Variants in TENM3 observed in about 807,000 individuals in gnomAD.
TENM3 encodes teneurin-3.
A neutral mutation model predicts 255.1 loss-of-function variants in TENM3; 63 were observed. The observed-to-expected ratio is 0.25, with a 90% confidence interval of 0.20 to 0.30. The LOEUF is 0.30. TENM3 is among the 10% of genes least tolerant of loss of function. The pLI, the probability that TENM3 is intolerant of heterozygous loss-of-function variation, is 1.00. For missense variants in TENM3, 2,929 were observed against 3,461.1 expected (o/e 0.85, Z 3.86); for synonymous variants, 1,306 against 1,322.3 (o/e 0.99, Z 0.27).
At chr4:182,289,102 C>G (rs1760938263) in intron 1 of TENM3, among the ~76,000 whole-genome samples, 1 of 152,092 alleles carries the variant, frequency 6.6e-6, no homozygotes, top group South Asian at 2.1e-4. Context: ...TGGTGGTGCA[C>G]ACCTGTAGTC....
At chr4:181,866,865 G>C in the TENM3 span, among the ~76,000 whole-genome samples, 1 of 152,004 alleles carries the variant, frequency 6.6e-6, no homozygotes, top group Non-Finnish European at 1.5e-5. Context: ...CTCCTAGATG[G>C]GAGTCTGTCC....
intron 6 of TENM3, among the ~76,000 whole-genome samples, chr4:182,662,449 C>G (rs562407001): frequency 1.3e-5 from 2 of 152,262 alleles, no homozygotes; most frequent in South Asian, 4.2e-4. Flanking sequence ...GGTTTGATTC[C>G]TAACCCACAA....
At chr4:182,517,735 G>A (rs1738145387) in intron 3 of TENM3, among the ~76,000 whole-genome samples, 1 of 152,152 alleles carries the variant, frequency 6.6e-6, no homozygotes, top group Admixed American at 6.5e-5. Flanking sequence ...TATGGTTCTA[G>A]GAGAAGAGAT....
At chr4:182,381,177 T>A (rs970422357) in intron 3 of TENM3, among the ~76,000 whole-genome samples, 1 of 152,150 alleles carries the variant, frequency 6.6e-6, no homozygotes, top group Non-Finnish European at 1.5e-5. Flanking sequence ...CAGGAAAGAA[T>A]TGGTCTGGGG....
chr4:182,560,473 TGCCAGCAGAA>T (rs1743047757), intron 3 of TENM3, among the ~76,000 whole-genome samples: 1 of 152,142 alleles, frequency 6.6e-6, no homozygotes, highest in Non-Finnish European at 1.5e-5. Flanking sequence ...TTCCCAGTAA[TGCCAGCAGAA>T]GCAACAGTGA....
At chr4:182,723,451 A>G (rs1343341063) in intron 13 of TENM3, among the ~76,000 whole-genome samples, 2 of 152,222 alleles carry the variant, frequency 1.3e-5, no homozygotes, top group Non-Finnish European at 2.9e-5. Context: ...GGGGAAGGAC[A>G]GTGGGTATCA....
the TENM3 span, among the ~76,000 whole-genome samples, chr4:181,607,130 G>C: frequency 6.6e-6 from 1 of 152,180 alleles, no homozygotes; most frequent in African/African-American, 2.4e-5. Flanking sequence ...GACAGAGTTG[G>C]AATTTGGTCT....
chr4:181,860,032 A>C, the TENM3 span, among the ~76,000 whole-genome samples: 14,012 of 152,224 alleles, frequency 0.092, 905 homozygotes, highest in Non-Finnish European at 0.14. Flanking sequence ...TGATTTCCTA[A>C]AGCCAGTTGC....
chr4:182,415,719 A>T (rs1770314229), intron 3 of TENM3, among the ~76,000 whole-genome samples: 1 of 152,230 alleles, frequency 6.6e-6, no homozygotes, highest in Admixed American at 6.5e-5. Context: ...AAGAAACAGA[A>T]GAGTTTAAAA....
chr4:182,520,460 T>C (rs1341724311), intron 3 of TENM3, among the ~76,000 whole-genome samples: 2 of 152,222 alleles, frequency 1.3e-5, no homozygotes, highest in East Asian at 1.9e-4. Context: ...AGATTTCATA[T>C]TGCTTTTGTT....
the TENM3 span, among the ~76,000 whole-genome samples, chr4:181,660,336 G>T: frequency 6.6e-6 from 1 of 152,044 alleles, no homozygotes; most frequent in Non-Finnish European, 1.5e-5. Flanking sequence ...AATCTTCAGC[G>T]AAATGGTAAT....
chr4:181,610,421 G>A, the TENM3 span, among the ~76,000 whole-genome samples: 1 of 152,112 alleles, frequency 6.6e-6, no homozygotes, highest in African/African-American at 2.4e-5. Flanking sequence ...TTTTTTGCAT[G>A]CGTGACTGAA....
At chr4:182,550,303 T>C (rs1024073455) in intron 3 of TENM3, among the ~76,000 whole-genome samples, 24 of 152,208 alleles carry the variant, frequency 1.6e-4, no homozygotes, top group African/African-American at 5.3e-4. Context: ...ACAAAATAAA[T>C]GAAAAGTAGC....
At chr4:181,501,924 C>A in the TENM3 span, among the ~76,000 whole-genome samples, 1 of 152,098 alleles carries the variant, frequency 6.6e-6, no homozygotes, top group Non-Finnish European at 1.5e-5. Flanking sequence ...GGAAAGAAAC[C>A]AGGGTGAAGG....
At chr4:182,290,491 A>G (rs1393409365) in intron 1 of TENM3, among the ~76,000 whole-genome samples, 1 of 152,196 alleles carries the variant, frequency 6.6e-6, no homozygotes, top group African/African-American at 2.4e-5. Flanking sequence ...GTCCCTAAAA[A>G]GCCTTTTAAA....
intron 1 of TENM3, among the ~76,000 whole-genome samples, chr4:182,262,949 G>T (rs972954398): frequency 7.2e-5 from 11 of 152,064 alleles, no homozygotes; most frequent in Middle Eastern, 3.4e-3. Context: ...TCCTGACCTC[G>T]TGATCCGCCT....
the TENM3 span, among the ~76,000 whole-genome samples, chr4:182,050,520 G>A: frequency 6.6e-6 from 1 of 152,172 alleles, no homozygotes; most frequent in African/African-American, 2.4e-5. Context: ...AAATTCTATT[G>A]TGGCTGACTG....
chr4:181,860,794 GTT>G, the TENM3 span, among the ~76,000 whole-genome samples: 4 of 152,104 alleles, frequency 2.6e-5, no homozygotes, highest in African/African-American at 9.7e-5. Flanking sequence ...AGGAATCATA[GTT>G]TTTTTAACAT....
At chr4:182,574,317 C>T (rs1212508338) in intron 3 of TENM3, among the ~76,000 whole-genome samples, 5 of 152,018 alleles carry the variant, frequency 3.3e-5, no homozygotes, top group Non-Finnish European at 7.4e-5. Context: ...TATTTATTCA[C>T]TAATTTATTC....
Sources: gnomAD v4.1 joint callset for allele counts (sites outside exome capture counted in the v4.1 genomes callset) on GRCh38, gnomAD v4.1.1 for gene constraint, MANE v1.5 for transcripts, NCBI Gene and HGNC (gene_info 2026-07-23, HGNC 2026-07-21) for gene names.